Variants in CNTNAP5 observed in about 807,000 individuals in gnomAD.
CNTNAP5 encodes contactin associated protein family member 5.
A neutral mutation model predicts 150.2 loss-of-function variants in CNTNAP5; 72 were observed. The observed-to-expected ratio is 0.48, with a 90% CI of 0.40 to 0.58. CNTNAP5 has a LOEUF of 0.58. Ranked by LOEUF, CNTNAP5 falls within the 20% of genes least tolerant of loss-of-function variation. The pLI is 0.00. For synonymous variants in CNTNAP5, 672 were observed against 619.8 expected, an observed-to-expected ratio of 1.08 and a Z score of -1.25; for missense variants, 1,636 against 1,626.2, an observed-to-expected ratio of 1.01 and a Z score of -0.10.
At chr2:124,193,302 C>A (rs1267625357) in intron 1 of CNTNAP5, among the ~76,000 whole-genome samples, 1 of 152,156 alleles carries the variant, frequency 6.6e-6, no homozygotes, top group Non-Finnish European at 1.5e-5. Flanking sequence ...ATTTGTTGAG[C>A]GGGACATAAT....
intron 6 of CNTNAP5, among the ~76,000 whole-genome samples, chr2:124,460,408 C>A (rs1421521465): frequency 6.6e-6 from 1 of 152,078 alleles, no homozygotes; most frequent in Non-Finnish European, 1.5e-5. Context: ...AAGTTGCATG[C>A]ACTGATTTAT....
intron 12 of CNTNAP5, among the ~76,000 whole-genome samples, chr2:124,616,979 AATGT>A (rs1677506122): frequency 1.3e-5 from 2 of 152,140 alleles, no homozygotes; most frequent in Non-Finnish European, 2.9e-5. Flanking sequence ...CACCATAGCA[AATGT>A]AATAATAATA....
intron 7 of CNTNAP5, among the ~76,000 whole-genome samples, chr2:124,485,122 A>T (rs112503259): frequency 6.8e-6 from 1 of 146,722 alleles, no homozygotes; most frequent in Non-Finnish European, 1.5e-5. Flanking sequence ...CAAAAAAAAA[A>T]TTATATAAAA....
chr2:124,196,093 G>A (rs1685576216), intron 1 of CNTNAP5, among the ~76,000 whole-genome samples: 1 of 151,814 alleles, frequency 6.6e-6, no homozygotes, highest in Non-Finnish European at 1.5e-5. Flanking sequence ...TGATCAGGAT[G>A]TAATGATTTA....
chr2:124,451,618 G>T (rs939838604), intron 6 of CNTNAP5, among the ~76,000 whole-genome samples: 57 of 152,180 alleles, frequency 3.7e-4, no homozygotes, highest in African/African-American at 9.9e-4. Flanking sequence ...CAGAACGACT[G>T]CAGTAATACA....
intron 19 of CNTNAP5, among the ~76,000 whole-genome samples, chr2:124,851,119 C>G (rs1322781872): frequency 6.6e-6 from 1 of 152,162 alleles, no homozygotes; most frequent in Non-Finnish European, 1.5e-5. Flanking sequence ...AATTCCAACA[C>G]TTTGGGAGGC....
chr2:124,216,835 T>A lies in CNTNAP5; in HGVS notation c.83-4870T>A, dbSNP rs180716527. Among the ~76,000 whole-genome samples the A allele has an allele frequency of 2.0e-4, 31 of 152,332 alleles. No individual in the cohort carries two copies. The East Asian group carries it at 5.6e-3, about 28-fold the overall frequency. ...TCCAAGTCTTTGTTATTGTGAATAG[T>A]GCCTCAATAAACATACGTGTGCATG... On this transcript the variant is annotated intron_variant, in intron 1 of 23. Transcript: ENST00000682447.
chr2:124,244,279 C>T (rs1440043161), intron 3 of CNTNAP5, among the ~76,000 whole-genome samples: 27 of 152,212 alleles, frequency 1.8e-4, no homozygotes, highest in Non-Finnish European at 5.9e-5. Context: ...TCCTCAAAGG[C>T]AGGGATCTCT....
intron 8 of CNTNAP5, among the ~76,000 whole-genome samples, chr2:124,514,192 T>A (rs971594085): frequency 1.6e-4 from 24 of 152,188 alleles, no homozygotes; most frequent in Admixed American, 5.2e-4. Context: ...CATTTCGTGT[T>A]ATGGAAAACT....
At chr2:124,567,854 T>TAGAG (rs763023719) in intron 11 of CNTNAP5, among the ~76,000 whole-genome samples, 1 of 117,010 alleles carries the variant, frequency 8.5e-6, no homozygotes, top group African/African-American at 3.1e-5. Flanking sequence ...GATAGATAGA[T>TAGAG]AGATAGATAG....
intron 17 of CNTNAP5, among the ~76,000 whole-genome samples, chr2:124,786,464 A>AAGGAAGGAAGGAAGGAAGGAAGG (rs1681594031): frequency 3.2e-5 from 3 of 92,788 alleles, no homozygotes; most frequent in African/African-American, 1.9e-4. Flanking sequence ...AGAAAGAAAG[A>AAGGAAGGAAGGAAGGAAGGAAGG]AAGGAAGGAA....
intron 3 of CNTNAP5, among the ~76,000 whole-genome samples, chr2:124,383,947 T>G (rs531318309): frequency 6.6e-6 from 1 of 152,330 alleles, no homozygotes; most frequent in East Asian, 1.9e-4. Flanking sequence ...CTCTAAATAA[T>G]TCTTTAGTTT....
At chr2:124,396,161 G>A (rs1691238251) in intron 3 of CNTNAP5, among the ~76,000 whole-genome samples, 1 of 152,196 alleles carries the variant, frequency 6.6e-6, no homozygotes, top group African/African-American at 2.4e-5. Flanking sequence ...AACTCCATAT[G>A]CCTGTCTGGC....
chr2:124,634,757 G>A (rs1677937637), intron 12 of CNTNAP5, among the ~76,000 whole-genome samples: 2 of 152,178 alleles, frequency 1.3e-5, no homozygotes, highest in East Asian at 1.9e-4. Context: ...ATCCACCTAT[G>A]CTTCCCAAAG....
At chr2:124,848,470 G>A (rs953567141) in intron 19 of CNTNAP5, among the ~76,000 whole-genome samples, 2 of 152,070 alleles carry the variant, frequency 1.3e-5, no homozygotes, top group Non-Finnish European at 2.9e-5. Context: ...AAATATACAT[G>A]AGGTGCAAAT....
At chr2:124,115,558 T>C (rs899333532) in intron 1 of CNTNAP5, among the ~76,000 whole-genome samples, 8 of 151,966 alleles carry the variant, frequency 5.3e-5, no homozygotes, top group African/African-American at 1.9e-4. Flanking sequence ...GATTCTGAAG[T>C]CAGATAGACC....
intron 10 of CNTNAP5, among the ~76,000 whole-genome samples, chr2:124,543,221 C>A (rs1464527831): frequency 2.0e-5 from 3 of 152,024 alleles, no homozygotes; most frequent in Non-Finnish European, 4.4e-5. Context: ...ACAAGCAAAC[C>A]ATAGCAATGT....
rs191970302 is a variant in CNTNAP5 at position 124,785,973 on chromosome 2, C to T, written c.2753-3929C>T. 9.2e-5 allele frequency among the ~76,000 whole-genome samples: 14 copies of T among 152,246 alleles called. No individual in the cohort carries two copies. In the East Asian group the frequency reaches 2.5e-3, roughly 27 times the overall value. ...CAGACAAGCTGGCCGTTGTGGTTCA[C>T]ACCTGTAATCCCAGCACTTGGAGAG... On this transcript the variant is annotated intron_variant, in intron 17 of 23. Transcript: ENST00000682447.
At chr2:124,074,206 T>C (rs191332752) in intron 1 of CNTNAP5, among the ~76,000 whole-genome samples, 8 of 152,042 alleles carry the variant, frequency 5.3e-5, no homozygotes, top group Non-Finnish European at 8.8e-5. Context: ...GTAGTGGGGA[T>C]AGTGGAAGGC....
Sources: allele counts gnomAD v4.1 joint callset (sites outside exome capture counted in the v4.1 genomes callset), GRCh38; gene constraint gnomAD v4.1.1; transcripts MANE v1.5; gene names NCBI Gene and HGNC (gene_info 2026-07-23, HGNC 2026-07-21).